Variants in COL1A2 observed in about 807,000 individuals in gnomAD.
COL1A2 encodes the protein collagen alpha-2(I) chain.
COL1A2 carries 49 observed loss-of-function variants against 174.3 expected under a neutral mutation model. The ratio of observed to expected loss-of-function variants is 0.28; its 90% CI spans 0.22 to 0.36. The LOEUF is 0.36. Ranked by LOEUF, COL1A2 falls within the 10% of genes least tolerant of loss-of-function variation. The pLI is 1.00. For synonymous variants in COL1A2, 655 were observed against 606.6 expected, an observed-to-expected ratio of 1.08 and a Z score of -1.17; for missense variants, 1,438 against 1,822.7, an observed-to-expected ratio of 0.79 and a Z score of 3.84.
intron 3 of COL1A2, among the ~76,000 whole-genome samples, chr7:94,398,626 CATACA>C (rs1207242295): frequency 6.6e-6 from 1 of 150,468 alleles, no homozygotes; most frequent in African/African-American, 2.5e-5. Flanking sequence ...TGGTGATTTA[CATACA>C]AAAGGAAAAA....
intron 29 of COL1A2, among the ~76,000 whole-genome samples, chr7:94,414,586 C>T (rs1317881351): frequency 6.6e-6 from 1 of 152,078 alleles, no homozygotes; most frequent in Non-Finnish European, 1.5e-5. Context: ...TTTCCTTCCC[C>T]ATAGTGAAAA....
intron 29 of COL1A2, among the ~76,000 whole-genome samples, 157 bp downstream of exon 29, chr7:94,414,432 A>G (rs1791995877): frequency 6.6e-6 from 1 of 152,240 alleles, no homozygotes. Flanking sequence ...GATGGAGAGA[A>G]TGAGCCAAAT....
chr7:94,397,576 C>G (rs1017391549), intron 1 of COL1A2, among the ~76,000 whole-genome samples, 172 bp from the exon 2 acceptor site: 1 of 152,016 alleles, frequency 6.6e-6, no homozygotes, highest in Admixed American at 6.5e-5. Flanking sequence ...CCCTGCCATA[C>G]TTTTGACCTG....
At chr7:94,427,485 GTTAT>G (rs1554398579) in intron 48 of COL1A2, 138 bp from the exon 49 acceptor site, 1 of 1,167,572 alleles carries the variant, frequency 8.6e-7, no homozygotes, top group Non-Finnish European at 1.2e-6. Context: ...CTGGGGGCTC[GTTAT>G]TTATTTATGT....
At chr7:94,415,125 C>T (rs555024716) in intron 29 of COL1A2, 101 bp from the exon 30 acceptor site, 3 of 1,028,276 alleles carry the variant, frequency 2.9e-6, no homozygotes, top group South Asian at 2.5e-5. Flanking sequence ...TAGATACTGC[C>T]AGGTTTATTT....
rs780333379 is a variant in COL1A2 at position 94,411,164 on chromosome 7, A to C, written c.1350+10A>C. The stretch of plus-strand genomic sequence containing the variant: ...TCTCATGGGACCCAGAGTAAGTTTC[A>C]AACTGATTCTGAGCAAATCACACCT... On this transcript the variant is annotated intron_variant, in intron 23 of 51. Coordinates refer to ENST00000297268, the MANE Select transcript of COL1A2 (RefSeq NM_000089.4). 6 of 1,561,074 alleles carry C rather than the reference A, an allele frequency of 3.8e-6. No homozygotes were observed. Among genetic ancestry groups the C allele is most frequent in the Non-Finnish European group, 5.2e-6 (6 of 1,149,634 alleles).
At chr7:94,404,962 T>C in intron 9 of COL1A2, 70 bp downstream of exon 9, 1 of 1,564,912 alleles carries the variant, frequency 6.4e-7, no homozygotes, top group African/African-American at 1.4e-5. Flanking sequence ...ATTTTCTAGA[T>C]TCAAATTAAG....
chr7:94,421,479 A>G (rs1792161540), intron 38 of COL1A2: 1 of 361,376 alleles, frequency 2.8e-6, no homozygotes, highest in East Asian at 6.1e-5. Context: ...TATCTAGGTC[A>G]TTTGTTATTC....
intron 6 of COL1A2, among the ~76,000 whole-genome samples, chr7:94,403,831 T>C (rs1261957715): frequency 2.6e-5 from 4 of 152,194 alleles, no homozygotes; most frequent in African/African-American, 9.6e-5. Flanking sequence ...CAAGAAAGTG[T>C]ATTTAGCTTA....
chr7:94,396,265 C>A (rs1380614016), intron 1 of COL1A2, among the ~76,000 whole-genome samples: 1 of 152,000 alleles, frequency 6.6e-6, no homozygotes, highest in Non-Finnish European at 1.5e-5. Flanking sequence ...TTGTTCCACC[C>A]ACACAGCACG....
At chr7:94,401,094 A>C (rs932037689) in intron 5 of COL1A2, among the ~76,000 whole-genome samples, 1 of 151,538 alleles carries the variant, frequency 6.6e-6, no homozygotes, top group African/African-American at 2.4e-5. Context: ...AAACTTGAAA[A>C]CTCTTTATGC....
At chr7:94,424,524 CA>C in intron 41 of COL1A2, 81 bp downstream of exon 41, 1 of 1,210,116 alleles carries the variant, frequency 8.3e-7, no homozygotes. Context: ...ACAGATTGAT[CA>C]CTGAATAACT....
chr7:94,398,906 T>TTG, intron 3 of COL1A2, 143 bp from the exon 4 acceptor site: 2 of 785,624 alleles, frequency 2.5e-6, no homozygotes, highest in Non-Finnish European at 4.4e-6. Context: ...ATCTATTGCA[T>TTG]TGTGTCAATT....
At chr7:94,398,523 CTAAAGCATAAAATAAAGT>C in intron 3 of COL1A2, 127 bp downstream of exon 3, 1 of 357,818 alleles carries the variant, frequency 2.8e-6, no homozygotes, top group African/African-American at 2.2e-5. Flanking sequence ...TATACATTAG[CTAAAGCATAAAATAAAGT>C]AGCTTTGATG....
chr7:94,408,149 TTCTGG>T, intron 13 of COL1A2, 29 bp from the exon 14 acceptor site: 2 of 1,609,038 alleles, frequency 1.2e-6, no homozygotes, highest in Non-Finnish European at 1.7e-6. Flanking sequence ...TAAATTAGCA[TTCTGG>T]ATTTTATTGA....
chr7:94,420,371 A>C lies in COL1A2; in HGVS notation c.2134-20A>C. The C allele has an allele frequency of 6.2e-7, 1 of 1,614,092 alleles. No individual in the cohort carries two copies. Among genetic ancestry groups the C allele is most frequent in the Non-Finnish European group, 8.5e-7 (1 of 1,180,018 alleles). On this transcript the variant is annotated intron_variant, in intron 35 of 51. Coordinates refer to ENST00000297268, the MANE Select transcript of COL1A2 (RefSeq NM_000089.4). Reference sequence around the variant, plus strand: ...AACCTAGGATTGATAACACATTTTTAAATCCCTTCTCCCACCTAGGGTGAA... The same window carrying C: ...AACCTAGGATTGATAACACATTTTTCAATCCCTTCTCCCACCTAGGGTGAA...
At chr7:94,397,895 A>G in intron 2 of COL1A2, 137 bp downstream of exon 2, 1 of 571,828 alleles carries the variant, frequency 1.7e-6, no homozygotes, top group Non-Finnish European at 3.1e-6. Context: ...GAATTATGAT[A>G]GTCAAAACCT....
At chr7:94,403,268 C>T (rs1791726297) in intron 6 of COL1A2, among the ~76,000 whole-genome samples, 1 of 152,126 alleles carries the variant, frequency 6.6e-6, no homozygotes, top group South Asian at 2.1e-4. Flanking sequence ...TTTAAGCTTG[C>T]ACATCCACAC....
chr7:94,414,418 T>C, intron 29 of COL1A2, 143 bp downstream of exon 29: 1 of 798,424 alleles, frequency 1.3e-6, no homozygotes, highest in Non-Finnish European at 2.1e-6. Flanking sequence ...CATACTTTGG[T>C]GCTGATGGAG....
Sources: gnomAD v4.1 joint callset for allele counts (sites outside exome capture counted in the v4.1 genomes callset) on GRCh38, gnomAD v4.1.1 for gene constraint, MANE v1.5 for transcripts, NCBI Gene and HGNC (gene_info 2026-07-23, HGNC 2026-07-21) for gene names.